The following PDE4D variants were observed in gnomAD, a reference collection of about 807,000 sequenced individuals.
PDE4D encodes 3',5'-cyclic-AMP phosphodiesterase 4D.
In PDE4D, 24 loss-of-function variants were observed where a neutral mutation model predicts 87.4. That is an observed-to-expected ratio of 0.27 (90% CI 0.20 to 0.39). The LOEUF is 0.39. PDE4D is among the 10% of genes least tolerant of loss of function. The pLI, the probability that PDE4D is intolerant of heterozygous loss-of-function variation, is 1.00. For synonymous variants in PDE4D, 384 were observed against 383.2 expected, an observed-to-expected ratio of 1.00 and a Z score of -0.02; for missense variants, 714 against 1,041.0, an observed-to-expected ratio of 0.69 and a Z score of 4.32.
intron 1 of PDE4D, among the ~76,000 whole-genome samples, chr5:60,519,366 G>T (rs1405456619): frequency 2.0e-5 from 3 of 152,152 alleles, no homozygotes; most frequent in African/African-American, 7.2e-5. Context: ...GAACAAAAAG[G>T]TCAGAAAGTT....
In PDE4D at chr5:59,916,647, T is replaced by A. The variant is rs192102942; in HGVS notation, c.272+71841A>T. On this transcript the variant is annotated intron_variant, in intron 3 of 16. Coordinates refer to the PDE4D transcript ENST00000502484. ...ATTTAATCACATTGTTGTTTCACCA[T>A]TAATTGTTAACACTGATATGTTTGA... 2.3e-3 allele frequency among the ~76,000 whole-genome samples: 352 copies of A among 152,338 alleles called. 1 individual carries two copies. Among genetic ancestry groups the A allele is most frequent in the African/African-American group, 8.0e-3 (334 of 41,576 alleles).
Position 59,239,338 on chromosome 5 carries a change from C to T in PDE4D, c.456-23370G>A, listed in dbSNP as rs1163175495. Among the ~76,000 whole-genome samples, 6 of 152,152 alleles carry T rather than the reference C, an allele frequency of 3.9e-5. No homozygotes were observed. The South Asian group carries it at 1.2e-3, about 31-fold the overall frequency. On this transcript the variant is annotated intron_variant, in intron 1 of 14. Transcript: ENST00000340635. ...TTACCACCTGTGAAATTCTCCTCAACCCTGCTCTCTGCCTCTGAATTCCTG... is the reference window on the plus strand; with the variant it reads ...TTACCACCTGTGAAATTCTCCTCAATCCTGCTCTCTGCCTCTGAATTCCTG...
chr5:59,077,296 G>C (rs1381026545), intron 5 of PDE4D, among the ~76,000 whole-genome samples: 1 of 151,964 alleles, frequency 6.6e-6, no homozygotes. Flanking sequence ...TGTCCCTAAG[G>C]TACATTCAAT....
intron 1 of PDE4D, among the ~76,000 whole-genome samples, chr5:60,398,093 T>C (rs1018415385): frequency 6.6e-6 from 1 of 152,184 alleles, no homozygotes; most frequent in Non-Finnish European, 1.5e-5. Flanking sequence ...CCATTCTTTT[T>C]TGTTTTTTAA....
At chr5:60,116,156 A>G (rs1357024678) in intron 2 of PDE4D, among the ~76,000 whole-genome samples, 1 of 152,080 alleles carries the variant, frequency 6.6e-6, no homozygotes, top group East Asian at 1.9e-4. Flanking sequence ...ATTCAAGTCT[A>G]TGGGAGGGCA....
Position 59,893,315 on chromosome 5 carries a change from C to T in PDE4D, c.308G>A (p.Arg103His), listed in dbSNP as rs1422320736. ...GRYASSGATGRVRHRGYSDTE... is the reference protein window; with the variant it reads ...GRYASSGATGHVRHRGYSDTE... ...GTCCGAGTAGCCGCGATGCCGGACGCGGCCGGTGGCCCCGCTCGAGGCGTA... is the reference window on the plus strand; with the variant it reads ...GTCCGAGTAGCCGCGATGCCGGACGTGGCCGGTGGCCCCGCTCGAGGCGTA... The change falls in exon 1 of 15, where the codon CGC becomes CAC. Residue 103 changes from arginine (R) to histidine (H), a missense_variant. Transcript: ENST00000340635. 2.0e-6 allele frequency: 3 copies of T among 1,524,570 alleles called. No individual in the cohort carries two copies. Among genetic ancestry groups the T allele is most frequent in the East Asian group, 2.6e-5 (1 of 38,052 alleles). 94.4% of individuals were successfully genotyped at this position (1,524,570 alleles called of 1,614,324 possible). A position where few individuals can be genotyped will look rare whatever the true frequency, so the allele number is the denominator to read the frequency against.
intron 1 of PDE4D, among the ~76,000 whole-genome samples, chr5:60,400,586 A>G (rs1740991197): frequency 1.3e-5 from 2 of 152,002 alleles, no homozygotes; most frequent in South Asian, 4.2e-4. Flanking sequence ...ATGTAATGAC[A>G]TATAAATTTC....
chr5:60,280,128 G>A (rs1029547833), intron 1 of PDE4D, among the ~76,000 whole-genome samples: 4 of 151,968 alleles, frequency 2.6e-5, no homozygotes, highest in East Asian at 1.9e-4. Flanking sequence ...AAATAACATC[G>A]TTTTAAACAA....
intron 3 of PDE4D, among the ~76,000 whole-genome samples, chr5:59,929,947 T>A (rs1393052971): frequency 6.6e-6 from 1 of 152,150 alleles, no homozygotes; most frequent in Admixed American, 6.5e-5. Context: ...CATGCAAATA[T>A]AATCTTCATG....
chr5:60,404,514 A>C (rs756843083), intron 1 of PDE4D, among the ~76,000 whole-genome samples: 47 of 152,194 alleles, frequency 3.1e-4, no homozygotes, highest in Non-Finnish European at 6.6e-4. Flanking sequence ...TGTGATGATG[A>C]AAATGTTCTT....
chr5:59,267,140 C>CTATA (rs1762981056), intron 1 of PDE4D, among the ~76,000 whole-genome samples: 1 of 152,004 alleles, frequency 6.6e-6, no homozygotes, highest in Admixed American at 6.6e-5. Context: ...ACTTGCTATT[C>CTATA]TATAACAAAG....
chr5:59,144,893 G>GGC (rs1778385384), intron 5 of PDE4D, among the ~76,000 whole-genome samples: 2 of 30,266 alleles, frequency 6.6e-5, no homozygotes, highest in Non-Finnish European at 1.4e-4. Flanking sequence ...GGTTTAATGG[G>GGC]GGGGGGGGGG....
intron 5 of PDE4D, among the ~76,000 whole-genome samples, chr5:59,059,236 A>C (rs1762785901): frequency 6.6e-6 from 1 of 152,188 alleles, no homozygotes; most frequent in Non-Finnish European, 1.5e-5. Flanking sequence ...AAATTAAATC[A>C]GCTCTGTGGT....
In PDE4D at chr5:59,049,381, A is replaced by G. The variant is rs143733831; in HGVS notation, c.809-10410T>C. 5.0e-3 allele frequency among the ~76,000 whole-genome samples: 757 copies of G among 152,228 alleles called. 4 individuals are homozygous for G. Among genetic ancestry groups the G allele is most frequent in the African/African-American group, 0.017 (706 of 41,540 alleles). Reference sequence around the variant, plus strand: ...TTCCTACATGTAATCACCCTCGTCTATCTCTTGTTCTCAGTCTTTTGCTTT... The same window carrying G: ...TTCCTACATGTAATCACCCTCGTCTGTCTCTTGTTCTCAGTCTTTTGCTTT... On this transcript the variant is annotated intron_variant, in intron 5 of 14. Coordinates refer to ENST00000340635, the MANE Select transcript of PDE4D (RefSeq NM_001104631.2).
chr5:59,050,293 AACAC>A (rs1308811296), intron 5 of PDE4D, among the ~76,000 whole-genome samples: 1 of 152,154 alleles, frequency 6.6e-6, no homozygotes, highest in Non-Finnish European at 1.5e-5. Flanking sequence ...GAAAAGAAAA[AACAC>A]ACAAAAGATT....
chr5:59,580,243 T>C (rs901112567), intron 1 of PDE4D, among the ~76,000 whole-genome samples: 3 of 152,178 alleles, frequency 2.0e-5, no homozygotes, highest in African/African-American at 7.2e-5. Flanking sequence ...AATAGATATA[T>C]GAACTTTCAG....
rs118104349 is a variant in PDE4D at position 59,865,539 on chromosome 5, C to T, written c.455+27629G>A. Among the ~76,000 whole-genome samples, 24 of 152,292 alleles carry T rather than the reference C, an allele frequency of 1.6e-4. No individual in the cohort carries two copies. The East Asian group carries it at 4.4e-3, about 28-fold the overall frequency. On this transcript the variant is annotated intron_variant, in intron 1 of 14. Coordinates refer to ENST00000340635, the MANE Select transcript of PDE4D (RefSeq NM_001104631.2). ...CTAGGTTCTTCCCCAAACCCAGCAA[C>T]TCAATGACAAATCTAGCAGAAATGT...
At chr5:60,403,796 C>A (rs886352255) in intron 1 of PDE4D, among the ~76,000 whole-genome samples, 4 of 152,194 alleles carry the variant, frequency 2.6e-5, no homozygotes, top group Non-Finnish European at 5.9e-5. Context: ...GCACAGCTGA[C>A]CTTTGTCAAG....
chr5:60,185,670 C>A, exon 2 of PDE4D: 1 of 872,642 alleles, frequency 1.1e-6, no homozygotes, highest in Non-Finnish European at 1.8e-6. Context: ...CGTATCCACT[C>A]AAAAGCCAAC....
Sources: allele counts gnomAD v4.1 joint callset (sites outside exome capture counted in the v4.1 genomes callset), GRCh38; gene constraint gnomAD v4.1.1; transcripts MANE v1.5; gene names NCBI Gene and HGNC (gene_info 2026-07-23, HGNC 2026-07-21).